The following RIPK1 variants were observed in gnomAD, a reference collection of about 807,000 sequenced individuals.
RIPK1 encodes the protein receptor-interacting serine/threonine-protein kinase 1.
Under a neutral mutation model 62.4 loss-of-function variants are expected in RIPK1, and 27 were observed. That is an observed-to-expected ratio of 0.43 (90% CI 0.32 to 0.60). The LOEUF (loss-of-function observed/expected upper bound fraction) is 0.60, where lower values mean the gene tolerates loss of function less well. RIPK1 is among the 20% of genes least tolerant of loss of function. The pLI is 0.07. For synonymous variants in RIPK1, 287 were observed against 303.2 expected, an observed-to-expected ratio of 0.95 and a Z score of 0.55; for missense variants, 735 against 831.0, an observed-to-expected ratio of 0.88 and a Z score of 1.42.
intron 7 of RIPK1, among the ~76,000 whole-genome samples, chr6:3,098,024 C>A (rs1049296005): frequency 6.6e-6 from 1 of 152,120 alleles, no homozygotes; most frequent in African/African-American, 2.4e-5. Flanking sequence ...AGTGAGACCT[C>A]CTCTTTACAA....
intron 1 of RIPK1, 91 bp from the exon 2 acceptor site, chr6:3,076,673 C>T (rs911626703): frequency 5.7e-5 from 13 of 229,492 alleles, no homozygotes; most frequent in Non-Finnish European, 8.0e-5. Context: ...AAGTGAGACC[C>T]TGTCTCCAAA....
upstream of RIPK1, among the ~76,000 whole-genome samples, chr6:3,065,264 C>CAAAAAAAAAAAAAAA (rs57722248): frequency 4.9e-5 from 2 of 40,636 alleles, no homozygotes; most frequent in African/African-American, 2.3e-4. Flanking sequence ...GACTCCGTCT[C>CAAAAAAAAAAAAAAA]AAAAAAAAAA....
chr6:3,106,181 T>C (rs1158917808), intron 9 of RIPK1, 130 bp downstream of exon 9: 2 of 718,166 alleles, frequency 2.8e-6, no homozygotes, highest in African/African-American at 3.6e-5. Flanking sequence ...CAGATGCAAA[T>C]TGCCCCTGTG....
In RIPK1 at chr6:3,113,630, T is replaced by G. The variant is rs998275116; in HGVS notation, c.*291T>G. ...CTGAGCCACTGCGCCCAGCCAACAA[T>G]CCGCTCTGAGGAAAGCGTAAGCAGG... On this transcript the variant is annotated 3_prime_UTR_variant, in exon 11 of 11. Transcript: ENST00000259808. The surrounding 1 kb of genome is among the most constrained non-coding windows in gnomAD (Gnocchi z 5.0). 1 of 351,760 alleles carries G rather than the reference T, an allele frequency of 2.8e-6. No homozygotes were observed. The highest frequency in any genetic ancestry group is 2.0e-5 in the African/African-American group (1 of 49,446). The allele number at this position is 351,760 out of a possible 1,614,324, so 21.8% of individuals were successfully genotyped here.
intron 7 of RIPK1, among the ~76,000 whole-genome samples, chr6:3,090,084 A>G (rs1759950356): frequency 6.6e-6 from 1 of 152,234 alleles, no homozygotes; most frequent in Non-Finnish European, 1.5e-5. Context: ...GCAACAGCAC[A>G]GTCACCTGGG....
chr6:3,108,635 G>A (rs988758224), intron 9 of RIPK1, among the ~76,000 whole-genome samples: 6 of 152,138 alleles, frequency 3.9e-5, no homozygotes, highest in East Asian at 1.9e-4. Flanking sequence ...CTCAGTAAAC[G>A]GTAGCTGCTG....
chr6:3,075,553 GTTCT>G (rs1759006975), intron 1 of RIPK1, among the ~76,000 whole-genome samples: 1 of 152,110 alleles, frequency 6.6e-6, no homozygotes, highest in Non-Finnish European at 1.5e-5. Flanking sequence ...ATTTACTGAA[GTTCT>G]TTGGTGCTTA....
At chr6:3,085,511 G>T in intron 6 of RIPK1, 103 bp downstream of exon 6, 1 of 1,210,350 alleles carries the variant, frequency 8.3e-7, no homozygotes, top group South Asian at 1.4e-5. Context: ...AACTGAGTTC[G>T]ACTTGACTTG....
chr6:3,083,333 C>A lies in RIPK1; in HGVS notation c.688+20C>A, dbSNP rs1407582681. 6.3e-7 allele frequency: 1 copy of A among 1,583,434 alleles called. No individual in the cohort carries two copies. Among genetic ancestry groups the A allele is most frequent in the Non-Finnish European group, 8.6e-7 (1 of 1,164,762 alleles). ...ATGAAAGTAAGGCATTACTTACTTT[C>A]CACTGCCGTCCCCTCAGCATCTACA... On this transcript the variant is annotated intron_variant, in intron 5 of 10. Coordinates refer to ENST00000259808, the MANE Select transcript of RIPK1 (RefSeq NM_001354930.2).
intron 10 of RIPK1, among the ~76,000 whole-genome samples, chr6:3,111,981 T>C (rs1411463598): frequency 6.6e-6 from 1 of 152,360 alleles, no homozygotes; most frequent in Admixed American, 6.5e-5. Flanking sequence ...CCTTATATTC[T>C]GTTTAATGAG....
Position 3,113,008 on chromosome 6 carries a change from G to C in RIPK1, c.1730-45G>C. Reference sequence around the variant, plus strand: ...AGCAATTCAGGAAGCTGGAATGTTTGAATGGGTTTTAGCTTGATACCTTCT... The same window carrying C: ...AGCAATTCAGGAAGCTGGAATGTTTCAATGGGTTTTAGCTTGATACCTTCT... On this transcript the variant is annotated intron_variant, in intron 10 of 10. Coordinates refer to ENST00000259808, the MANE Select transcript of RIPK1 (RefSeq NM_001354930.2). The surrounding 1 kb of genome is among the most constrained non-coding windows in gnomAD (Gnocchi z 5.0). 3.4e-6 allele frequency: 5 copies of C among 1,471,652 alleles called. No homozygotes were observed. Among genetic ancestry groups the C allele is most frequent in the Non-Finnish European group, 4.5e-6 (5 of 1,101,830 alleles). The allele number at this position is 1,471,652 out of a possible 1,614,324, so 91.2% of individuals were successfully genotyped here. A position where few individuals can be genotyped will look rare whatever the true frequency, so the allele number is the denominator to read the frequency against.
chr6:3,082,223 G>A (rs17513304), intron 4 of RIPK1, among the ~76,000 whole-genome samples: 2,012 of 152,268 alleles, frequency 0.013, 53 homozygotes, highest in African/African-American at 0.046. Context: ...CAGGTTCTGC[G>A]TCTAGCGCTT....
At chr6:3,086,375 TC>T (rs1200485024) in intron 6 of RIPK1, among the ~76,000 whole-genome samples, 1 of 152,216 alleles carries the variant, frequency 6.6e-6, no homozygotes, top group Non-Finnish European at 1.5e-5. Flanking sequence ...CCTAACATTT[TC>T]CCAGAGGGGC....
intron 7 of RIPK1, among the ~76,000 whole-genome samples, chr6:3,099,587 C>T (rs1024911835): frequency 1.3e-5 from 2 of 152,078 alleles, no homozygotes; most frequent in Non-Finnish European, 2.9e-5. Flanking sequence ...AAATAATAGA[C>T]AAAGAACATA....
At chr6:3,067,384 C>G (rs1022272795), upstream of RIPK1, among the ~76,000 whole-genome samples, 1 of 152,088 alleles carries the variant, frequency 6.6e-6, no homozygotes, top group Non-Finnish European at 1.5e-5. Context: ...TCCTTGTGCT[C>G]CAGATCCTCA....
chr6:3,090,208 G>A (rs1759961421), intron 7 of RIPK1, among the ~76,000 whole-genome samples: 1 of 152,136 alleles, frequency 6.6e-6, no homozygotes, highest in Non-Finnish European at 1.5e-5. Flanking sequence ...GCCCAAGACT[G>A]AAGCAAGGAG....
At chr6:3,096,587 T>C (rs528854572) in intron 7 of RIPK1, among the ~76,000 whole-genome samples, 1 of 129,406 alleles carries the variant, frequency 7.7e-6, no homozygotes, top group East Asian at 2.3e-4. Context: ...TGAGACAGAG[T>C]CTCGCTCTGT....
At chr6:3,085,956 T>C (rs1033742572) in intron 6 of RIPK1, among the ~76,000 whole-genome samples, 14 of 152,268 alleles carry the variant, frequency 9.2e-5, no homozygotes, top group Non-Finnish European at 1.5e-4. Flanking sequence ...TATTCCATTG[T>C]ATGAATGGAG....
intron 9 of RIPK1, 107 bp downstream of exon 9, chr6:3,106,158 C>A: frequency 1.2e-6 from 1 of 854,372 alleles, no homozygotes; most frequent in Non-Finnish European, 1.8e-6. Flanking sequence ...GGACAGAGGG[C>A]ATCATCAGCT....
Sources: allele counts gnomAD v4.1 joint callset (sites outside exome capture counted in the v4.1 genomes callset), GRCh38; gene constraint gnomAD v4.1.1; non-coding constraint Gnocchi (gnomAD v3.1); transcripts MANE v1.5; gene names NCBI Gene and HGNC (gene_info 2026-07-23, HGNC 2026-07-21).